KIF1B: variants seen among roughly 807,000 people sequenced by gnomAD.
KIF1B encodes kinesin family member 1B.
A neutral mutation model predicts 241.9 loss-of-function variants in KIF1B; 76 were observed. The ratio of observed to expected loss-of-function variants is 0.31; its 90% CI spans 0.26 to 0.38. The LOEUF is 0.38. Among genes scored for constraint, KIF1B ranks in the 10% least tolerant of loss-of-function variants. The probability of loss-of-function intolerance (pLI) is 1.00; values close to 1 mark genes in which losing one functional copy is unlikely to be tolerated. For synonymous variants in KIF1B, 750 were observed against 796.7 expected (o/e 0.94, Z 0.99); for missense variants, 1,622 against 2,271.4 (o/e 0.71, Z 5.81).
rs924001668 is a variant in KIF1B at position 10,239,678 on chromosome 1, G to A, written c.106+7244G>A. On this transcript the variant is annotated intron_variant, in intron 2 of 48. Coordinates refer to ENST00000676179, the MANE Select transcript of KIF1B (RefSeq NM_001365951.3). The stretch of plus-strand genomic sequence containing the variant: ...GCTGGAGTGCAGTGGCACAGTCTCG[G>A]CTCACTGCAACCTCTGCCTCCCGGC... Among the ~76,000 whole-genome samples, 12 of 152,126 alleles carry A rather than the reference G, an allele frequency of 7.9e-5. No individual in the cohort carries two copies. In the East Asian group the frequency reaches 2.3e-3, roughly 29 times the overall value.
intron 20 of KIF1B, 28 bp downstream of exon 20, chr1:10,296,693 C>T (rs780127288): frequency 6.3e-7 from 1 of 1,588,464 alleles, no homozygotes; most frequent in Non-Finnish European, 8.6e-7. Flanking sequence ...TTGCCATCTT[C>T]AGCAATGTGC....
Position 10,337,626 on chromosome 1 carries a change from AAC to A in KIF1B, c.3422+96_3422+97del. On this transcript the variant is annotated intron_variant, in intron 31 of 48. Coordinates refer to ENST00000676179, the MANE Select transcript of KIF1B (RefSeq NM_001365951.3). The surrounding 1 kb of genome is among the most constrained non-coding windows in gnomAD (Gnocchi z 4.0). ...GAGTGCTTTACATGTGTGAGGGATT[AAC>A]ACTCTTGAGACAAAGACTGATCAGT... The A allele has an allele frequency of 7.4e-7, 1 of 1,355,676 alleles. No homozygotes were observed. The highest frequency in any genetic ancestry group is 1.1e-6 in the Non-Finnish European group (1 of 950,928). 84.0% of individuals were successfully genotyped at this position (1,355,676 alleles called of 1,614,324 possible). A position where few individuals can be genotyped will look rare whatever the true frequency, so the allele number is the denominator to read the frequency against.
At chr1:10,367,886 G>A (rs144762889) in intron 43 of KIF1B, among the ~76,000 whole-genome samples, 89 of 151,858 alleles carry the variant, frequency 5.9e-4, no homozygotes, top group African/African-American at 1.7e-3. Context: ...CCACCATGAC[G>A]CCCAGCTAAT....
At chr1:10,346,605 T>G (rs556016833) in intron 35 of KIF1B, among the ~76,000 whole-genome samples, 2 of 152,294 alleles carry the variant, frequency 1.3e-5, no homozygotes, top group East Asian at 3.9e-4. Flanking sequence ...CCTCAGGTGA[T>G]CCACCCGCCT....
chr1:10,241,801 G>C (rs1647140120), intron 2 of KIF1B, among the ~76,000 whole-genome samples: 1 of 151,904 alleles, frequency 6.6e-6, no homozygotes, highest in South Asian at 2.1e-4. Flanking sequence ...GTGTTTTGGA[G>C]TTCATTTTTA....
At chr1:10,230,434 TTTTC>T (rs1646965543) in intron 1 of KIF1B, among the ~76,000 whole-genome samples, 1 of 142,734 alleles carries the variant, frequency 7.0e-6, no homozygotes, top group Admixed American at 7.4e-5. Context: ...GTTGTTTTTT[TTTTC>T]TTTCTTTTTT....
At chr1:10,275,857 G>A (rs745810338) in intron 11 of KIF1B, among the ~76,000 whole-genome samples, 2 of 151,282 alleles carry the variant, frequency 1.3e-5, no homozygotes, top group Non-Finnish European at 2.9e-5. Context: ...AATCCTCCTC[G>A]TTGCTGATGT....
At chr1:10,346,314 G>C (rs1468242153) in intron 35 of KIF1B, among the ~76,000 whole-genome samples, 1 of 152,142 alleles carries the variant, frequency 6.6e-6, no homozygotes, top group Non-Finnish European at 1.5e-5. Context: ...CTTCTCGTTA[G>C]CAACAGCAAA....
chr1:10,364,971 A>C, intron 41 of KIF1B, 129 bp from the exon 42 acceptor site: 1 of 750,478 alleles, frequency 1.3e-6, no homozygotes, highest in Admixed American at 2.7e-5. Context: ...ACGCCACTGC[A>C]CTCCAGCCTG....
At chr1:10,213,540 C>T (rs1030372238) in intron 1 of KIF1B, among the ~76,000 whole-genome samples, 5 of 152,186 alleles carry the variant, frequency 3.3e-5, no homozygotes, top group African/African-American at 4.8e-5. Context: ...AATGGGCCCC[C>T]TGCCTTCCTG....
chr1:10,281,601 A>G (rs1569691746), intron 14 of KIF1B, among the ~76,000 whole-genome samples: 1 of 152,332 alleles, frequency 6.6e-6, no homozygotes, highest in African/African-American at 2.4e-5. Context: ...CTCTGACAGA[A>G]GAATGGAACC....
intron 32 of KIF1B, among the ~76,000 whole-genome samples, chr1:10,341,695 G>T (rs1652397961): frequency 1.3e-5 from 2 of 152,210 alleles, no homozygotes; most frequent in African/African-American, 4.8e-5. Flanking sequence ...ATTGGGCCAG[G>T]CATAGTGGCT....
intron 3 of KIF1B, among the ~76,000 whole-genome samples, 161 bp downstream of exon 3, chr1:10,256,484 A>G (rs1647787889): frequency 6.6e-6 from 1 of 152,096 alleles, no homozygotes; most frequent in African/African-American, 2.4e-5. Flanking sequence ...TTTCATTCAT[A>G]AAGTATTTGG....
At chr1:10,286,220 A>G (rs2102239306) in intron 15 of KIF1B, among the ~76,000 whole-genome samples, 1 of 152,266 alleles carries the variant, frequency 6.6e-6, no homozygotes, top group Admixed American at 6.5e-5. Context: ...TTGTATTTTT[A>G]GTAGAGACGG....
chr1:10,369,993 C>T (rs1454337202), intron 44 of KIF1B, among the ~76,000 whole-genome samples: 3 of 151,948 alleles, frequency 2.0e-5, no homozygotes, highest in Non-Finnish European at 4.4e-5. Context: ...GCGGCTCATG[C>T]CTGTAATCCC....
chr1:10,374,528 G>A lies in KIF1B; in HGVS notation c.5096+63G>A. The A allele has an allele frequency of 1.3e-6, 2 of 1,543,354 alleles. No homozygotes were observed. Among genetic ancestry groups the A allele is most frequent in the Middle Eastern group, 3.6e-4 (2 of 5,558 alleles). Reference sequence around the variant, plus strand: ...AACAAATCCACAGGAAGAAGTGACTGGCCAGCTCTTCCCTGTGAGGTCTGT... The same window carrying A: ...AACAAATCCACAGGAAGAAGTGACTAGCCAGCTCTTCCCTGTGAGGTCTGT... On this transcript the variant is annotated intron_variant, in intron 46 of 48. Coordinates refer to ENST00000676179, the MANE Select transcript of KIF1B (RefSeq NM_001365951.3). The surrounding 1 kb of genome is among the most constrained non-coding windows in gnomAD (Gnocchi z 4.3).
Position 10,256,232 on chromosome 1 carries a change from A to G in KIF1B, c.107-15A>G. 6.5e-7 allele frequency: 1 copy of G among 1,540,788 alleles called. No homozygotes were observed. ...AATTGAGTGACTTATAAAATGAAAC[A>G]TTTTTATCTTCTAGGTATTATTAAC... is the stretch of plus-strand genomic sequence containing the variant. On this transcript the variant is annotated splice_polypyrimidine_tract_variant and intron_variant, in intron 2 of 48. Transcript: ENST00000676179.
rs144137528 is a variant in KIF1B at position 10,374,593 on chromosome 1, G to C, written c.5096+128G>C. ...CAATCTGTACTGTAGTCTGATGCAA[G>C]TTGAGTCTGGGGTGAGAGGGCCAGC... On this transcript the variant is annotated intron_variant, in intron 46 of 48. Transcript: ENST00000676179. The surrounding 1 kb of genome is among the most constrained non-coding windows in gnomAD (Gnocchi z 4.3). 1.7e-5 allele frequency: 21 copies of C among 1,205,292 alleles called. No individual in the cohort carries two copies. The East Asian group carries it at 4.8e-4, about 27-fold the overall frequency. The allele number at this position is 1,205,292 out of a possible 1,614,324, so 74.7% of individuals were successfully genotyped here.
chr1:10,312,558 G>A (rs1651114538), intron 22 of KIF1B, among the ~76,000 whole-genome samples: 1 of 151,494 alleles, frequency 6.6e-6, no homozygotes, highest in East Asian at 1.9e-4. Context: ...TACATCTGAT[G>A]CATCTCCTAC....
Sources: allele counts gnomAD v4.1 joint callset (sites outside exome capture counted in the v4.1 genomes callset), GRCh38; gene constraint gnomAD v4.1.1; non-coding constraint Gnocchi (gnomAD v3.1); transcripts MANE v1.5; gene names NCBI Gene and HGNC (gene_info 2026-07-23, HGNC 2026-07-21).